RBFOX1: variants seen among roughly 807,000 people sequenced by gnomAD.
RBFOX1 encodes RNA binding protein fox-1 homolog 1.
Under a neutral mutation model 57.7 loss-of-function variants are expected in RBFOX1, and 8 were observed. That is an observed-to-expected ratio of 0.14 (90% CI 0.08 to 0.25). The LOEUF is 0.25. Ranked by LOEUF, RBFOX1 falls within the 10% of genes least tolerant of loss-of-function variation. The probability of loss-of-function intolerance (pLI) is 1.00; values close to 1 mark genes in which losing one functional copy is unlikely to be tolerated. For missense variants in RBFOX1, 611 were observed against 548.5 expected (o/e 1.11, Z -1.14); for synonymous variants, 326 against 222.4 (o/e 1.47, Z -4.15).
chr16:6,081,288 T>C (rs1383243349), intron 1 of RBFOX1, among the ~76,000 whole-genome samples: 1 of 152,208 alleles, frequency 6.6e-6, no homozygotes, highest in African/African-American at 2.4e-5. Flanking sequence ...CATCTCTCAT[T>C]GGACAAGGTT....
At chr16:6,960,460 G>T (rs976189747) in intron 3 of RBFOX1, among the ~76,000 whole-genome samples, 2 of 152,118 alleles carry the variant, frequency 1.3e-5, no homozygotes, top group African/African-American at 4.8e-5. Flanking sequence ...TTGTCTCCCA[G>T]TTCTCGTGTA....
chr16:5,627,544 C>G (rs902020090), intron 3 of RBFOX1, among the ~76,000 whole-genome samples: 1 of 151,994 alleles, frequency 6.6e-6, no homozygotes, highest in East Asian at 1.9e-4. Context: ...ATTAAAAAAT[C>G]TCAAACCTTC....
chr16:5,670,255 C>G (rs1048401441), intron 3 of RBFOX1, among the ~76,000 whole-genome samples: 6 of 152,072 alleles, frequency 3.9e-5, no homozygotes, highest in African/African-American at 1.2e-4. Context: ...ACTCAGATAG[C>G]GATGATGGTT....
intron 2 of RBFOX1, among the ~76,000 whole-genome samples, chr16:6,445,136 A>G (rs138293250): frequency 7.2e-5 from 11 of 152,256 alleles, no homozygotes; most frequent in Middle Eastern, 3.4e-3. Context: ...TAGACTTGGG[A>G]TGATGGGAGG....
chr16:7,590,450 C>T (rs1040341569), intron 7 of RBFOX1, among the ~76,000 whole-genome samples: 8 of 151,990 alleles, frequency 5.3e-5, no homozygotes, highest in South Asian at 2.1e-4. Flanking sequence ...CATTTAGGGG[C>T]GAATGATCCT....
rs369839998 is a variant in RBFOX1, at chr16:5,256,890, C to T, written c.219+16785C>T. On this transcript the variant is annotated intron_variant, in intron 1 of 2. Transcript: ENST00000585867. Reference sequence around the variant, plus strand: ...CAGAGTTTGCAGTGAGCTGAGATGGCGCCACTGCACTCCAGCCTGAGTGAC... The same window carrying T: ...CAGAGTTTGCAGTGAGCTGAGATGGTGCCACTGCACTCCAGCCTGAGTGAC... Among the ~76,000 whole-genome samples, 118 of 151,624 alleles carry T rather than the reference C, an allele frequency of 7.8e-4. 3 individuals carry two copies. The South Asian group carries it at 0.024, about 31-fold the overall frequency.
At chr16:5,319,817 C>T (rs1258251264) in intron 1 of RBFOX1, among the ~76,000 whole-genome samples, 1 of 152,172 alleles carries the variant, frequency 6.6e-6, no homozygotes, top group African/African-American at 2.4e-5. Flanking sequence ...TTCAGGGATC[C>T]AGGCTCCTTC....
intron 4 of RBFOX1, among the ~76,000 whole-genome samples, chr16:7,416,632 C>G (rs541714231): frequency 6.6e-6 from 1 of 152,274 alleles, no homozygotes; most frequent in South Asian, 2.1e-4. Flanking sequence ...ACCCACGATT[C>G]CCAGTCATTG....
chr16:7,058,531 A>G (rs944890399), intron 4 of RBFOX1, among the ~76,000 whole-genome samples: 4 of 151,864 alleles, frequency 2.6e-5, no homozygotes, highest in Admixed American at 2.6e-4. Flanking sequence ...CAAATTCCTC[A>G]CCTGTATAGT....
intron 2 of RBFOX1, among the ~76,000 whole-genome samples, chr16:6,433,392 C>G: frequency 6.6e-6 from 1 of 152,336 alleles, no homozygotes; most frequent in Non-Finnish European, 1.5e-5. Flanking sequence ...TGTCTTGAAG[C>G]CCCTGACCTG....
intron 2 of RBFOX1, among the ~76,000 whole-genome samples, chr16:6,490,882 C>T (rs1028444400): frequency 2.6e-5 from 4 of 152,130 alleles, no homozygotes; most frequent in Non-Finnish European, 5.9e-5. Flanking sequence ...ATGTTGGATC[C>T]ATTACTGTCA....
intron 1 of RBFOX1, among the ~76,000 whole-genome samples, chr16:6,223,783 A>T (rs1043092377): frequency 3.3e-5 from 5 of 152,186 alleles, no homozygotes; most frequent in African/African-American, 9.7e-5. Context: ...GCCCATGTCT[A>T]TGTCTTGAAT....
intron 2 of RBFOX1, among the ~76,000 whole-genome samples, chr16:5,535,860 G>A (rs1218656048): frequency 6.6e-6 from 1 of 152,104 alleles, no homozygotes; most frequent in Non-Finnish European, 1.5e-5. Context: ...TATCTAATTT[G>A]GGCTACTGCT....
intron 2 of RBFOX1, among the ~76,000 whole-genome samples, chr16:5,579,207 A>C (rs1212772551): frequency 1.3e-5 from 2 of 151,964 alleles, no homozygotes; most frequent in African/African-American, 2.4e-5. Context: ...CCCAACTTGC[A>C]CTTCCACTAG....
intron 3 of RBFOX1, among the ~76,000 whole-genome samples, chr16:6,824,212 C>T (rs752798257): frequency 6.6e-6 from 1 of 152,202 alleles, no homozygotes; most frequent in African/African-American, 2.4e-5. Context: ...CGAGACCAGT[C>T]TGGCCAACAT....
At chr16:6,652,473 C>T (rs953003738) in intron 2 of RBFOX1, among the ~76,000 whole-genome samples, 4 of 151,796 alleles carry the variant, frequency 2.6e-5, no homozygotes, top group African/African-American at 7.3e-5. Flanking sequence ...AGCCATGGGT[C>T]TGTCTCCCTT....
At chr16:7,454,602 A>G (rs1301922152) in intron 4 of RBFOX1, among the ~76,000 whole-genome samples, 1 of 152,210 alleles carries the variant, frequency 6.6e-6, no homozygotes, top group Non-Finnish European at 1.5e-5. Context: ...GGAAAACTAC[A>G]CAAAGATGTG....
chr16:7,439,687 C>T (rs2098750800), intron 4 of RBFOX1, among the ~76,000 whole-genome samples: 1 of 152,206 alleles, frequency 6.6e-6, no homozygotes, highest in Admixed American at 6.5e-5. Context: ...ACTATTCATG[C>T]AAGTGCTGTC....
At position 7,446,045 on chromosome 16, in the gene RBFOX1, C is replaced by T. The variant is rs578064625; in HGVS notation, c.28-72102C>T. On this transcript the variant is annotated intron_variant, in intron 4 of 15. Transcript: ENST00000550418. ...ATTTGTAGCATGGTCTTGCTACAGCCGCTTTGCTCCCCTGCTACTCCATCT... is the reference window on the plus strand; with the variant it reads ...ATTTGTAGCATGGTCTTGCTACAGCTGCTTTGCTCCCCTGCTACTCCATCT... Among the ~76,000 whole-genome samples, 10 of 152,250 alleles carry T rather than the reference C, an allele frequency of 6.6e-5. No individual in the cohort carries two copies. The South Asian group carries it at 1.5e-3, about 22-fold the overall frequency.
Sources: allele counts gnomAD v4.1 joint callset (sites outside exome capture counted in the v4.1 genomes callset), GRCh38; gene constraint gnomAD v4.1.1; transcripts MANE v1.5; gene names NCBI Gene and HGNC (gene_info 2026-07-23, HGNC 2026-07-21).